Variants in WDR72 observed in about 807,000 individuals in gnomAD.
The protein encoded by WDR72 is WD repeat domain 72.
A neutral mutation model predicts 124.2 loss-of-function variants in WDR72; 120 were observed. The observed-to-expected ratio is 0.97, with a 90% CI of 0.83 to 1.12. The LOEUF (loss-of-function observed/expected upper bound fraction) is 1.12, where lower values mean the gene tolerates loss of function less well. Ranked by LOEUF, WDR72 falls within the 50% of genes most tolerant of loss-of-function variation. The probability of loss-of-function intolerance (pLI) is 0.00; values close to 1 mark genes in which losing one functional copy is unlikely to be tolerated. For synonymous variants in WDR72, 452 were observed against 441.7 expected (o/e 1.02, Z -0.29); for missense variants, 1,387 against 1,278.8 (o/e 1.08, Z -1.29).
intron 16 of WDR72, among the ~76,000 whole-genome samples, chr15:53,613,401 T>C (rs1300452028): frequency 6.6e-6 from 1 of 152,106 alleles, no homozygotes; most frequent in Non-Finnish European, 1.5e-5. Context: ...TATGTCTATG[T>C]TTTAAAATTA....
intron 13 of WDR72, among the ~76,000 whole-genome samples, chr15:53,679,323 G>A (rs1472505172): frequency 6.6e-6 from 1 of 152,174 alleles, no homozygotes; most frequent in Non-Finnish European, 1.5e-5. Flanking sequence ...TCTATGTTAT[G>A]TAAAGATCCC....
At chr15:53,602,862 A>C (rs923735318) in intron 17 of WDR72, among the ~76,000 whole-genome samples, 1 of 152,136 alleles carries the variant, frequency 6.6e-6, no homozygotes, top group Admixed American at 6.5e-5. Flanking sequence ...CCAACCGAAA[A>C]AAGCCCAGGA....
intron 13 of WDR72, among the ~76,000 whole-genome samples, chr15:53,681,483 A>G (rs191150268): frequency 7.2e-5 from 11 of 152,290 alleles, no homozygotes; most frequent in Non-Finnish European, 1.2e-4. Flanking sequence ...TACCAGATAC[A>G]TAACAAACTA....
intron 14 of WDR72, among the ~76,000 whole-genome samples, chr15:53,662,653 T>A (rs967268954): frequency 6.6e-5 from 10 of 152,156 alleles, no homozygotes; most frequent in Non-Finnish European, 1.3e-4. Flanking sequence ...TAAAATTAAT[T>A]TTTTTCTTAA....
At chr15:53,590,684 C>G (rs1034831482) in intron 18 of WDR72, among the ~76,000 whole-genome samples, 12 of 151,978 alleles carry the variant, frequency 7.9e-5, no homozygotes, top group African/African-American at 2.9e-4. Flanking sequence ...TTTGATTCCC[C>G]GCTCTGCCAC....
chr15:53,685,387 C>T (rs2016581469), intron 13 of WDR72, among the ~76,000 whole-genome samples: 1 of 129,144 alleles, frequency 7.7e-6, no homozygotes, highest in South Asian at 2.6e-4. Flanking sequence ...GAGCTGAAAA[C>T]CAAGGCTCGA....
At chr15:53,574,931 C>G (rs928923755) in intron 18 of WDR72, among the ~76,000 whole-genome samples, 2 of 151,780 alleles carry the variant, frequency 1.3e-5, no homozygotes, top group African/African-American at 4.8e-5. Context: ...ACCAAGCCCT[C>G]ACTTCCAAGT....
chr15:53,700,999 A>C (rs193141087), intron 12 of WDR72, among the ~76,000 whole-genome samples: 1 of 152,358 alleles, frequency 6.6e-6, no homozygotes, highest in African/African-American at 2.4e-5. Flanking sequence ...TAATGTTTAT[A>C]AGCCAATTAA....
In WDR72 at chr15:53,699,734, T is replaced by C. The variant is rs1311561153; in HGVS notation, c.1765+16A>G. On this transcript the variant is annotated intron_variant, in intron 13 of 19. Coordinates refer to ENST00000360509, the MANE Select transcript of WDR72 (RefSeq NM_182758.4). ...ATAAATATATAAAGAATGAAAGGGA[T>C]AAAATTTCAACTTACCTGTTTCAAT... 2 of 1,613,216 alleles carry C rather than the reference T, an allele frequency of 1.2e-6. No individual in the cohort carries two copies. The highest frequency in any genetic ancestry group is 1.7e-6 in the Non-Finnish European group (2 of 1,179,204).
chr15:53,609,756 G>A (rs1476795006), intron 16 of WDR72, among the ~76,000 whole-genome samples, 164 bp from the exon 17 acceptor site: 1 of 152,020 alleles, frequency 6.6e-6, no homozygotes, highest in African/African-American at 2.4e-5. Context: ...TCCTGTGGTA[G>A]AGGTGGGACA....
intron 1 of WDR72, among the ~76,000 whole-genome samples, chr15:53,745,289 T>A (rs899756534): frequency 6.6e-6 from 1 of 152,216 alleles, no homozygotes; most frequent in African/African-American, 2.4e-5. Context: ...AATGAATCAC[T>A]ATAATTTTGT....
intron 1 of WDR72, among the ~76,000 whole-genome samples, chr15:53,739,927 T>C (rs1484047297): frequency 6.6e-6 from 1 of 152,098 alleles, no homozygotes; most frequent in African/African-American, 2.4e-5. Context: ...AGGAAACTAG[T>C]CAAAGAAATT....
chr15:53,717,233 T>C (rs1437222728), intron 3 of WDR72, among the ~76,000 whole-genome samples: 1 of 152,156 alleles, frequency 6.6e-6, no homozygotes, highest in Non-Finnish European at 1.5e-5. Context: ...TTTTGAAAAC[T>C]CTTACTTCGT....
chr15:53,713,701 G>A (rs924693859), intron 6 of WDR72, among the ~76,000 whole-genome samples: 6 of 151,736 alleles, frequency 4.0e-5, no homozygotes, highest in East Asian at 3.9e-4. Context: ...CTGGTGATCC[G>A]CTCGCCTTAG....
chr15:53,588,468 A>C (rs1234539206), intron 18 of WDR72, among the ~76,000 whole-genome samples: 1 of 152,052 alleles, frequency 6.6e-6, no homozygotes, highest in African/African-American at 2.4e-5. Flanking sequence ...TAAGTGCTTA[A>C]TAAGAAATGT....
intron 16 of WDR72, among the ~76,000 whole-genome samples, chr15:53,611,851 A>G (rs528917358): frequency 6.6e-6 from 1 of 152,200 alleles, no homozygotes; most frequent in African/African-American, 2.4e-5. Flanking sequence ...GGAACAAACT[A>G]AGCACAAGTT....
chr15:53,623,933 C>T (rs551359618), intron 14 of WDR72, among the ~76,000 whole-genome samples: 2 of 152,240 alleles, frequency 1.3e-5, no homozygotes, highest in Admixed American at 6.5e-5. Context: ...TCTATGATAA[C>T]TAGTGATGTT....
intron 14 of WDR72, among the ~76,000 whole-genome samples, chr15:53,627,528 C>CA (rs987288504): frequency 5.3e-5 from 8 of 152,102 alleles, no homozygotes; most frequent in African/African-American, 1.9e-4. Context: ...ATGCCATTGA[C>CA]AAAAAACGAT....
chr15:53,704,999 G>A lies in WDR72; in HGVS notation c.1337C>T (p.Ser446Phe). 6.2e-7 allele frequency: 1 copy of A among 1,613,692 alleles called. No individual in the cohort carries two copies. The highest frequency in any genetic ancestry group is 1.1e-5 in the South Asian group (1 of 91,028). The change falls in exon 11 of 20, where the codon TCT (serine) becomes TTT (phenylalanine). Residue 446 changes from serine to phenylalanine, a missense_variant. Physicochemically the swap from Ser to Phe is radical, Grantham distance 155 (BLOSUM62 -2). Transcript: ENST00000360509. ...AAKARLLEGGSLVKDSPPHKV... is the reference protein window; with the variant it reads ...AAKARLLEGGFLVKDSPPHKV... ...TAAAATTCAAGGACCTTTTACTAAA[G>A]AACCACCTTCCAGAAGTCTTGCTTT...
Sources: allele counts gnomAD v4.1 joint callset (sites outside exome capture counted in the v4.1 genomes callset), GRCh38; gene constraint gnomAD v4.1.1; transcripts MANE v1.5; gene names NCBI Gene and HGNC (gene_info 2026-07-23, HGNC 2026-07-21).